The following ATAD5 variants were observed in gnomAD, a reference collection of about 807,000 sequenced individuals.
ATAD5 encodes the protein ATPase family AAA domain containing 5, also known as ATPase family AAA domain-containing protein 5.
ATAD5 carries 58 observed loss-of-function variants against 176.9 expected under a neutral mutation model. That is an observed-to-expected ratio of 0.33 (90% CI 0.27 to 0.41). ATAD5 has a LOEUF of 0.41. Among genes scored for constraint, ATAD5 ranks in the 10% least tolerant of loss-of-function variants. The pLI, the probability that ATAD5 is intolerant of heterozygous loss-of-function variation, is 1.00. For missense variants in ATAD5, 1,789 were observed against 2,094.1 expected, an observed-to-expected ratio of 0.85 and a Z score of 2.84; for synonymous variants, 640 against 712.6, an observed-to-expected ratio of 0.90 and a Z score of 1.62.
intron 6 of ATAD5, among the ~76,000 whole-genome samples, chr17:30,846,927 C>T (rs528179862): frequency 3.3e-5 from 5 of 151,654 alleles, no homozygotes; most frequent in South Asian, 2.1e-4. Context: ...CCATGTTGGT[C>T]GGGCTGGTCT....
chr17:30,878,215 TTTGGGTTACTATG>T, intron 17 of ATAD5, 119 bp downstream of exon 17: 5 of 700,658 alleles, frequency 7.1e-6, no homozygotes, highest in Non-Finnish European at 7.4e-6. Flanking sequence ...TTGATACTAC[TTTGGGTTACTATG>T]TTGGGTATTA....
chr17:30,870,936 T>C (rs772716963), intron 14 of ATAD5, among the ~76,000 whole-genome samples: 17 of 151,994 alleles, frequency 1.1e-4, no homozygotes, highest in Non-Finnish European at 1.9e-4. Context: ...TATGAGTTTA[T>C]AGTTGGGAAG....
At chr17:30,877,710 A>T (rs1264984453) in intron 16 of ATAD5, among the ~76,000 whole-genome samples, 161 bp downstream of exon 16, 1 of 152,134 alleles carries the variant, frequency 6.6e-6, no homozygotes, top group Non-Finnish European at 1.5e-5. Flanking sequence ...CTCTAGAATA[A>T]TTTTTCAGGA....
At chr17:30,858,048 G>T in intron 8 of ATAD5, 113 bp from the exon 9 acceptor site, 2 of 1,015,666 alleles carry the variant, frequency 2.0e-6, no homozygotes, top group East Asian at 5.9e-5. Context: ...CCGGCCTAAA[G>T]CTAATCTTAC....
intron 9 of ATAD5, 150 bp downstream of exon 9, chr17:30,858,473 C>T (rs1385006708): frequency 1.6e-5 from 7 of 451,056 alleles, no homozygotes; most frequent in South Asian, 8.5e-5. Context: ...GCAACCTCTG[C>T]TTCCTGGGTT....
chr17:30,853,038 T>C (rs1184732109), intron 6 of ATAD5, among the ~76,000 whole-genome samples: 1 of 151,738 alleles, frequency 6.6e-6, no homozygotes, highest in East Asian at 1.9e-4. Flanking sequence ...TACAGGCGCC[T>C]GCCACCACAG....
chr17:30,882,994 T>C (rs535720980), intron 18 of ATAD5, among the ~76,000 whole-genome samples: 2 of 152,228 alleles, frequency 1.3e-5, no homozygotes, highest in South Asian at 2.1e-4. Flanking sequence ...ACTAAAACCA[T>C]TGAATTTTAC....
In ATAD5 at chr17:30,840,659, A is replaced by G; in HGVS notation, c.2119A>G (p.Ile707Val). Residue 707 changes from isoleucine (I) to valine (V), a missense_variant, in exon 4 of 23, where the codon ATT becomes GTT. Physicochemically the swap from Ile to Val is conservative, Grantham distance 29. Coordinates refer to ENST00000321990, the MANE Select transcript of ATAD5 (RefSeq NM_024857.5). ...AAACATATCAAAAGCAAAACAATTGATTGAAAAAGCAAAAGCTTTACACAT... is the reference window on the plus strand; with the variant it reads ...AAACATATCAAAAGCAAAACAATTGGTTGAAAAAGCAAAAGCTTTACACAT... ...SKNISKAKQL[I>V]EKAKALHISR... 1.3e-6 allele frequency: 2 copies of G among 1,583,468 alleles called. No individual in the cohort carries two copies. Among genetic ancestry groups the G allele is most frequent in the South Asian group, 1.2e-5 (1 of 83,818 alleles).
At position 30,881,298 on chromosome 17, in the gene ATAD5, C is replaced by CT. The variant is rs1415962374; in HGVS notation, c.4077+1812dup. Among the ~76,000 whole-genome samples, 3 of 151,972 alleles carry CT rather than the reference C, an allele frequency of 2.0e-5. No individual in the cohort carries two copies. In the East Asian group the frequency reaches 5.8e-4, roughly 30 times the overall value. On this transcript the variant is annotated intron_variant, in intron 18 of 22. Transcript: ENST00000321990. Reference sequence around the variant, plus strand: ...TTATTTTTTTAGGTGAGGTCTCACTCTGTTACCCAAGCTGGAGTGTAGTGG... The same window carrying CT: ...TTATTTTTTTAGGTGAGGTCTCACTCTTGTTACCCAAGCTGGAGTGTAGTGG...
intron 4 of ATAD5, among the ~76,000 whole-genome samples, chr17:30,841,380 T>A (rs903255752): frequency 6.6e-6 from 1 of 152,200 alleles, no homozygotes; most frequent in Non-Finnish European, 1.5e-5. Flanking sequence ...TTTATTGTTA[T>A]CAGCTTGAAA....
chr17:30,849,679 A>G (rs572116892), intron 6 of ATAD5, among the ~76,000 whole-genome samples: 30 of 151,884 alleles, frequency 2.0e-4, no homozygotes, highest in African/African-American at 6.8e-4. Flanking sequence ...TATTCTGACT[A>G]CATGTCCTCT....
intron 6 of ATAD5, among the ~76,000 whole-genome samples, chr17:30,846,478 C>T (rs1301826896): frequency 6.6e-6 from 1 of 150,684 alleles, no homozygotes. Context: ...TCTCGGCTCA[C>T]TGCAACCTCT....
chr17:30,857,198 C>G lies in ATAD5; in HGVS notation c.2793+86C>G, dbSNP rs114264008. On this transcript the variant is annotated intron_variant, in intron 8 of 22. Transcript: ENST00000321990. ...CATTTTTGGATATCTACTCTTATAG[C>G]CTCGAGTGTTGTCCTAGAGTTTAAT... 1.2e-3 allele frequency: 1,635 copies of G among 1,417,764 alleles called. 20 individuals carry two copies. In the African/African-American group the frequency reaches 0.022, roughly 19 times the overall value. The allele number at this position is 1,417,764 out of a possible 1,614,324, so 87.8% of individuals were successfully genotyped here.
Position 30,869,262 on chromosome 17 carries a change from A to C in ATAD5, c.3328A>C (p.Ile1110Leu), listed in dbSNP as rs777026122. Residue 1110 changes from isoleucine (I) to leucine (L), a missense_variant, in exon 13 of 23, where the codon ATA (isoleucine) becomes CTA (leucine). By Grantham distance (5) the Ile-to-Leu change is conservative. Coordinates refer to ENST00000321990, the MANE Select transcript of ATAD5 (RefSeq NM_024857.5). ...DEKHEDFSGG[I>L]DFKGSSDDEE... ...TAATTTTTCAGATTTCTCGGGTGGC[A>C]TAGACTTTAAAGGCAGTTCAGATGA... is the stretch of plus-strand genomic sequence containing the variant. The C allele has an allele frequency of 1.2e-6, 2 of 1,606,566 alleles. No homozygotes were observed. Among genetic ancestry groups the C allele is most frequent in the East Asian group, 4.5e-5 (2 of 44,858 alleles).
At chr17:30,844,551 C>CT (rs145866847) in intron 5 of ATAD5, among the ~76,000 whole-genome samples, 66,850 of 139,410 alleles carry the variant, frequency 0.48, 17,358 homozygotes, top group African/African-American at 0.72. Flanking sequence ...AAGAGTTTTT[C>CT]TTTTTTTTTT....
chr17:30,856,935 A>T lies in ATAD5; in HGVS notation c.2636-20A>T. ...GTGTATAAATAAGGTTTATTAAGATATTTGTCTATTTTTCTTTAGGGTGTT... is the reference window on the plus strand; with the variant it reads ...GTGTATAAATAAGGTTTATTAAGATTTTTGTCTATTTTTCTTTAGGGTGTT... On this transcript the variant is annotated intron_variant, in intron 7 of 22. Transcript: ENST00000321990. 6.4e-7 allele frequency: 1 copy of T among 1,552,732 alleles called. No homozygotes were observed. The highest frequency in any genetic ancestry group is 8.6e-7 in the Non-Finnish European group (1 of 1,156,708).
chr17:30,847,026 T>C (rs1337984217), intron 6 of ATAD5, among the ~76,000 whole-genome samples: 1 of 151,880 alleles, frequency 6.6e-6, no homozygotes, highest in African/African-American at 2.4e-5. Flanking sequence ...GCCCACAGTT[T>C]GAGTTTTGAC....
At chr17:30,878,200 T>A (rs1220699865) in intron 17 of ATAD5, 104 bp downstream of exon 17, 3 of 753,442 alleles carry the variant, frequency 4.0e-6, no homozygotes, top group Non-Finnish European at 4.4e-6. Flanking sequence ...ATTACTTTTT[T>A]AAAATTGATA....
chr17:30,835,040 A>G lies in ATAD5; in HGVS notation c.959A>G (p.Lys320Arg), dbSNP rs138601238. Residue 320 changes from lysine (K) to arginine (R), a missense_variant, in exon 2 of 23, where the codon AAG becomes AGG. This residue lies in a region of ATAD5 where 696 missense variants were observed against 712.5 expected (regional missense o/e 0.98). Transcript: ENST00000321990. ...NSEISQQVRF[K>R]TVTVLAQVHP... The stretch of plus-strand genomic sequence containing the variant: ...GAAATTTCCCAGCAGGTACGCTTTA[A>G]GACAGTTACTGTTCTTGCACAGGTT... 9.1e-5 allele frequency: 147 copies of G among 1,613,956 alleles called. No homozygotes were observed. Among genetic ancestry groups the G allele is most frequent in the Non-Finnish European group, 1.1e-4 (130 of 1,180,012 alleles).
Sources: gnomAD v4.1 joint callset for allele counts (sites outside exome capture counted in the v4.1 genomes callset) on GRCh38, gnomAD v4.1.1 for gene constraint, gnomAD v4.1.1 regional missense constraint, MANE v1.5 for transcripts, NCBI Gene and HGNC (gene_info 2026-07-23, HGNC 2026-07-21) for gene names.